Variants in KCNIP4 observed in about 807,000 individuals in gnomAD.
KCNIP4 encodes the protein Kv channel-interacting protein 4.
A neutral mutation model predicts 34.0 loss-of-function variants in KCNIP4; 12 were observed. The ratio of observed to expected loss-of-function variants is 0.35; its 90% CI spans 0.23 to 0.57. KCNIP4 has a LOEUF of 0.57. KCNIP4 is among the 20% of genes least tolerant of loss of function. The probability of loss-of-function intolerance (pLI) is 0.83; values close to 1 mark genes in which losing one functional copy is unlikely to be tolerated. For synonymous variants in KCNIP4, 124 were observed against 102.2 expected (o/e 1.21, Z -1.29); for missense variants, 238 against 311.7 (o/e 0.76, Z 1.78).
At chr4:21,748,537 T>C (rs61007696) in intron 1 of KCNIP4, among the ~76,000 whole-genome samples, 4,467 of 152,224 alleles carry the variant, frequency 0.029, 200 homozygotes, top group African/African-American at 0.1. Context: ...ACATATGTGG[T>C]TTACCTTTCA....
At chr4:21,791,042 G>A (rs1720251688) in intron 1 of KCNIP4, among the ~76,000 whole-genome samples, 1 of 146,024 alleles carries the variant, frequency 6.8e-6, no homozygotes, top group Non-Finnish European at 1.5e-5. Context: ...TATTTTTCTT[G>A]GTATCTTAGT....
rs563476533 is a variant in KCNIP4 at position 21,106,000 on chromosome 4, G to A, written c.62-223291C>T. ...ATGTGCTGCTGGATTCGGTTTGCCA[G>A]TATTTTACTGAGGATTTTTGCATCA... On this transcript the variant is annotated intron_variant, in intron 1 of 8. Transcript: ENST00000382152. Among the ~76,000 whole-genome samples, 491 of 151,626 alleles carry A rather than the reference G, an allele frequency of 3.2e-3. 5 individuals are homozygous for A. The highest frequency in any genetic ancestry group is 0.014 in the East Asian group (73 of 5,168).
chr4:21,669,271 C>T (rs948015848), intron 1 of KCNIP4, among the ~76,000 whole-genome samples: 4 of 152,084 alleles, frequency 2.6e-5, no homozygotes, highest in East Asian at 1.9e-4. Flanking sequence ...ACCACAGGTG[C>T]GTGCCAACGT....
At chr4:21,519,524 GTGTA>G (rs1226122696) in intron 1 of KCNIP4, among the ~76,000 whole-genome samples, 9 of 103,766 alleles carry the variant, frequency 8.7e-5, no homozygotes, top group African/African-American at 3.7e-4. Flanking sequence ...ACACATATGT[GTGTA>G]TGTGTATGTG....
chr4:21,699,265 C>T (rs981178622), intron 1 of KCNIP4, among the ~76,000 whole-genome samples: 17 of 152,166 alleles, frequency 1.1e-4, no homozygotes, highest in Non-Finnish European at 1.2e-4. Flanking sequence ...CACTTTTATT[C>T]ATAGATGTAG....
At chr4:21,478,726 G>A (rs1420227396) in intron 1 of KCNIP4, among the ~76,000 whole-genome samples, 1 of 152,154 alleles carries the variant, frequency 6.6e-6, no homozygotes, top group African/African-American at 2.4e-5. Context: ...ATGATAAGCA[G>A]TATAAATTTC....
chr4:21,747,085 C>G (rs1315987573), intron 1 of KCNIP4, among the ~76,000 whole-genome samples: 1 of 152,084 alleles, frequency 6.6e-6, no homozygotes, highest in East Asian at 1.9e-4. Flanking sequence ...AACAGGTCAG[C>G]TTCTTACTTT....
chr4:20,743,462 A>G (rs1306673389), intron 5 of KCNIP4, among the ~76,000 whole-genome samples: 1 of 152,070 alleles, frequency 6.6e-6, no homozygotes. Flanking sequence ...CGGAAATAAT[A>G]CCACACATCT....
chr4:21,870,535 G>T (rs1200502059), intron 1 of KCNIP4, among the ~76,000 whole-genome samples: 2 of 152,172 alleles, frequency 1.3e-5, no homozygotes, highest in African/African-American at 4.8e-5. Context: ...TCCAACTGCA[G>T]GTCTGCTTTT....
chr4:21,092,471 T>C (rs1747080213), intron 1 of KCNIP4, among the ~76,000 whole-genome samples: 1 of 152,222 alleles, frequency 6.6e-6, no homozygotes, highest in Admixed American at 6.5e-5. Context: ...TCTTCTTTTA[T>C]ATCTGTTCTG....
intron 1 of KCNIP4, among the ~76,000 whole-genome samples, chr4:21,371,066 T>G (rs1051123774): frequency 7.1e-6 from 1 of 141,144 alleles, no homozygotes; most frequent in Admixed American, 6.8e-5. Context: ...GGTGGGAGTG[T>G]TTGAGGTCAA....
chr4:21,937,881 A>G (rs1729952969), intron 1 of KCNIP4, among the ~76,000 whole-genome samples: 1 of 151,928 alleles, frequency 6.6e-6, no homozygotes, highest in South Asian at 2.1e-4. Flanking sequence ...CTTTTTGTCC[A>G]TTGACTACGT....
At chr4:21,393,084 C>A (rs1367988665) in intron 1 of KCNIP4, among the ~76,000 whole-genome samples, 1 of 152,056 alleles carries the variant, frequency 6.6e-6, no homozygotes, top group African/African-American at 2.4e-5. Context: ...ATCACTGAAA[C>A]GTTTGCCTCT....
chr4:21,213,841 T>A (rs1757390521), intron 1 of KCNIP4, among the ~76,000 whole-genome samples: 1 of 151,994 alleles, frequency 6.6e-6, no homozygotes, highest in African/African-American at 2.4e-5. Flanking sequence ...CTTTCATCCG[T>A]CTCCCAGGAT....
intron 1 of KCNIP4, among the ~76,000 whole-genome samples, chr4:21,942,624 A>T (rs1730262829): frequency 6.6e-6 from 1 of 152,220 alleles, no homozygotes; most frequent in African/African-American, 2.4e-5. Context: ...ATGGAGCCAA[A>T]AGTCACTTTC....
rs190211375 is a variant in KCNIP4, at chr4:21,090,134, T to C, written c.62-207425A>G. 1.2e-3 allele frequency among the ~76,000 whole-genome samples: 182 copies of C among 152,336 alleles called. 1 individual carries two copies. The highest frequency in any genetic ancestry group is 9.0e-3 in the Admixed American group (137 of 15,292). On this transcript the variant is annotated intron_variant, in intron 1 of 8. Coordinates refer to ENST00000382152, the MANE Select transcript of KCNIP4 (RefSeq NM_025221.6). ...TCCCCTGCCCATGCCGTTAGAATTT[T>C]TCACACGTATAGCCTGTTCTCTTCC...
chr4:21,177,727 G>T (rs897543496), intron 1 of KCNIP4, among the ~76,000 whole-genome samples: 1 of 151,662 alleles, frequency 6.6e-6, no homozygotes, highest in Non-Finnish European at 1.5e-5. Flanking sequence ...CGGGCATGGT[G>T]GTGGATGCTT....
At chr4:21,173,063 G>A (rs1440543449) in intron 1 of KCNIP4, among the ~76,000 whole-genome samples, 1 of 152,038 alleles carries the variant, frequency 6.6e-6, no homozygotes, top group Non-Finnish European at 1.5e-5. Flanking sequence ...CACAACCCTT[G>A]CCAGGAAATA....
Position 21,294,862 on chromosome 4 carries a change from A to G in KCNIP4, c.62-412153T>C, listed in dbSNP as rs9998131. ...CACATCTCAACTTGGAATGTGCCCA[A>G]TTTGAATATTTCCCTTTGAAGCTGA... On this transcript the variant is annotated intron_variant, in intron 1 of 8. Transcript: ENST00000382152. 9.3e-3 allele frequency among the ~76,000 whole-genome samples: 1,423 copies of G among 152,290 alleles called. 20 individuals are homozygous for G. Among genetic ancestry groups the G allele is most frequent in the African/African-American group, 0.032 (1,336 of 41,556 alleles).
Sources: allele counts gnomAD v4.1 joint callset (sites outside exome capture counted in the v4.1 genomes callset), GRCh38; gene constraint gnomAD v4.1.1; transcripts MANE v1.5; gene names NCBI Gene and HGNC (gene_info 2026-07-23, HGNC 2026-07-21).